The following CEBPZOS variants were observed in gnomAD, a reference collection of about 807,000 sequenced individuals.
CEBPZOS encodes protein CEBPZOS.
In CEBPZOS, 10 loss-of-function variants were observed where a neutral mutation model predicts 4.8. That is an observed-to-expected ratio of 2.07 (90% CI 1.28 to 3.52). The LOEUF is 3.52. Among genes scored for constraint, CEBPZOS ranks in the 30% most tolerant of loss-of-function variants. CEBPZOS has a pLI of 0.00. For missense variants in CEBPZOS, 98 were observed against 43.6 expected, an observed-to-expected ratio of 2.25 and a Z score of -3.51; for synonymous variants, 25 against 14.2, an observed-to-expected ratio of 1.77 and a Z score of -1.72.
In CEBPZOS at chr2:37,202,667, A is replaced by G. The variant is rs1352691630; in HGVS notation, c.*807A>G. 5 of 62,588 alleles carry G rather than the reference A, an allele frequency of 8.0e-5. No individual in the cohort carries two copies. Among genetic ancestry groups the G allele is most frequent in the African/African-American group, 1.4e-4 (2 of 14,616 alleles). The allele number at this position is 62,588 out of a possible 1,614,324, so 3.9% of individuals were successfully genotyped here. A position where few individuals can be genotyped will look rare whatever the true frequency, so the allele number is the denominator to read the frequency against. On this transcript the variant is annotated 3_prime_UTR_variant, in exon 5 of 5. Transcript: ENST00000402297. Reference sequence around the variant, plus strand: ...CTCAAAAAAAAAAAAAAAAAAAAAAAAAAAAAAAAAAAAAAAAAAAAAAAA... The same window carrying G: ...CTCAAAAAAAAAAAAAAAAAAAAAAGAAAAAAAAAAAAAAAAAAAAAAAAA...
chr2:37,214,314 CAGATG>C (rs2148352161), downstream of CEBPZOS, among the ~76,000 whole-genome samples: 1 of 152,090 alleles, frequency 6.6e-6, no homozygotes, highest in South Asian at 2.1e-4. Flanking sequence ...ACCAGTCAAC[CAGATG>C]AGATAAGAGG....
At chr2:37,205,203 C>T (rs1269432302), downstream of CEBPZOS, among the ~76,000 whole-genome samples, 2 of 152,044 alleles carry the variant, frequency 1.3e-5, no homozygotes, top group Non-Finnish European at 2.9e-5. Flanking sequence ...AGACTACTAC[C>T]AATATGTAAA....
Position 37,199,734 on chromosome 2 carries a change from G to A in CEBPZOS, c.30G>A (p.Lys10=), listed in dbSNP as rs1394302182. Residue 10 remains lysine, a synonymous_variant, in exon 2 of 5, where the codon AAG becomes AAA. Coordinates refer to ENST00000402297, the MANE Select transcript of CEBPZOS (RefSeq NM_001322374.2). MARTLEPLA[K]KIFKGVLVAE... is the part of the protein sequence containing the mutation. ...CCCGTACTTTGGAACCACTAGCAAA[G>A]AAGATCTTTAAAGGAGTTTTGGTAG... 4 of 717,190 alleles carry A rather than the reference G, an allele frequency of 5.6e-6. No individual in the cohort carries two copies. Among genetic ancestry groups the A allele is most frequent in the Non-Finnish European group, 1.0e-5 (4 of 384,996 alleles). The allele number at this position is 717,190 out of a possible 1,614,324, so 44.4% of individuals were successfully genotyped here.
At chr2:37,205,170 T>C (rs1470255537), downstream of CEBPZOS, among the ~76,000 whole-genome samples, 2 of 152,204 alleles carry the variant, frequency 1.3e-5, no homozygotes, top group African/African-American at 4.8e-5. Context: ...GCTGATAAAA[T>C]TTTGTAGGCG....
chr2:37,201,010 GTTCATATCT>G, intron 2 of CEBPZOS, 29 bp from the exon 3 acceptor site: 1 of 713,582 alleles, frequency 1.4e-6, no homozygotes, highest in East Asian at 2.7e-5. Flanking sequence ...ATGAATTTCT[GTTCATATCT>G]AATTTCAAGA....
At chr2:37,197,845 G>A (rs1447127691) in intron 1 of CEBPZOS, among the ~76,000 whole-genome samples, 1 of 151,866 alleles carries the variant, frequency 6.6e-6, no homozygotes, top group Non-Finnish European at 1.5e-5. Flanking sequence ...CTGCCTGGGA[G>A]ACAGCAAGAC....
At chr2:37,211,920 T>C (rs1358802000) in intron 4 of CEBPZOS, 1 of 1,613,520 alleles carries the variant, frequency 6.2e-7, no homozygotes, top group Non-Finnish European at 8.5e-7. Context: ...AAATTCTTCA[T>C]CATCCATACT....
In CEBPZOS at chr2:37,203,660, A is replaced by G. The variant is rs1677396037; in HGVS notation, c.*1800A>G. The G allele has an allele frequency of 1.3e-5, 2 of 152,250 alleles. No individual in the cohort carries two copies. The highest frequency in any genetic ancestry group is 1.3e-4 in the Admixed American group (2 of 15,288). 9.4% of individuals were successfully genotyped at this position (152,250 alleles called of 1,614,324 possible). A position where few individuals can be genotyped will look rare whatever the true frequency, so the allele number is the denominator to read the frequency against. On this transcript the variant is annotated 3_prime_UTR_variant, in exon 5 of 5. Transcript: ENST00000402297. ...GGTAAATTTACAGACTTGTTCAACC[A>G]CAACCACAGTCTGATTTTAGAACAT...
rs569855349 is a variant in CEBPZOS at position 37,199,774 on chromosome 2, G to C, written c.70G>C (p.Val24Leu). 1 of 717,602 alleles carries C rather than the reference G, an allele frequency of 1.4e-6. No individual in the cohort carries two copies. The highest frequency in any genetic ancestry group is 2.6e-6 in the Non-Finnish European group (1 of 385,094). 44.5% of individuals were successfully genotyped at this position (717,602 alleles called of 1,614,324 possible). A position where few individuals can be genotyped will look rare whatever the true frequency, so the allele number is the denominator to read the frequency against. Residue 24 changes from valine (V) to leucine (L), a missense_variant, in exon 2 of 5, where the codon GTT (valine) becomes CTT (leucine). Coordinates refer to ENST00000402297, the MANE Select transcript of CEBPZOS (RefSeq NM_001322374.2). ...AGTTTTGGTAGCCGAACTTGTAGGC[G>C]TTTTTGGAGCATATTTTTTGTTTAG... ...KGVLVAELVG[V>L]FGAYFLFSKM...
At chr2:37,212,212 C>G (rs1487680971) in intron 4 of CEBPZOS, 2 of 1,016,462 alleles carry the variant, frequency 2.0e-6, no homozygotes, top group Admixed American at 4.3e-5. Context: ...GTACTGTATC[C>G]ACTTCCCAAA....
At chr2:37,201,519 T>A in intron 3 of CEBPZOS, 123 bp from the exon 4 acceptor site, 1 of 607,410 alleles carries the variant, frequency 1.6e-6, no homozygotes, top group Non-Finnish European at 3.0e-6. Context: ...TCTGTAATCC[T>A]ACTGTCCTCT....
At chr2:37,215,959 A>G (rs1490681134), downstream of CEBPZOS, among the ~76,000 whole-genome samples, 3 of 152,006 alleles carry the variant, frequency 2.0e-5, no homozygotes, top group South Asian at 2.1e-4. Flanking sequence ...GTTAAAAAAA[A>G]AAAAAAAAAG....
In CEBPZOS at chr2:37,203,114, A is replaced by G. The variant is rs935229163; in HGVS notation, c.*1254A>G. 2 of 693,640 alleles carry G rather than the reference A, an allele frequency of 2.9e-6. No individual in the cohort carries two copies. The highest frequency in any genetic ancestry group is 2.3e-6 in the Non-Finnish European group (1 of 438,346). 43.0% of individuals were successfully genotyped at this position (693,640 alleles called of 1,614,324 possible). ...TAAAAATTATACTTGGGTAAAAACAATTGCAATAATCTTCTGGCACCATTG... is the reference window on the plus strand; with the variant it reads ...TAAAAATTATACTTGGGTAAAAACAGTTGCAATAATCTTCTGGCACCATTG... On this transcript the variant is annotated 3_prime_UTR_variant, in exon 5 of 5. Transcript: ENST00000402297.
At chr2:37,206,254 C>A (rs955292665), downstream of CEBPZOS, among the ~76,000 whole-genome samples, 4 of 152,224 alleles carry the variant, frequency 2.6e-5, no homozygotes, top group African/African-American at 9.7e-5. Flanking sequence ...AAAAGGTATC[C>A]AACAAAACTA....
chr2:37,214,038 C>A, downstream of CEBPZOS: 1 of 702,322 alleles, frequency 1.4e-6, no homozygotes, highest in Non-Finnish European at 2.2e-6. Context: ...GCACCTATGA[C>A]CAGTGGCAAA....
At chr2:37,208,251 T>G (rs760625428), downstream of CEBPZOS, among the ~76,000 whole-genome samples, 1 of 152,180 alleles carries the variant, frequency 6.6e-6, no homozygotes, top group Non-Finnish European at 1.5e-5. Context: ...CTACTGAAAC[T>G]ATTCCAAAAG....
rs1261205786 is a variant in CEBPZOS at position 37,211,808 on chromosome 2, GAC to G, written c.*3-1625_*3-1624del. On this transcript the variant is annotated intron_variant, in intron 4 of 4. Coordinates refer to the CEBPZOS transcript ENST00000397064. ...AACTTAAGGCTAAGGAAGTGAGGAA[GAC>G]ACAGTTTATGTCTTATTTTAAAAAA... The G allele has an allele frequency of 2.0e-6, 3 of 1,471,376 alleles. No individual in the cohort carries two copies. The Admixed American group carries it at 6.7e-5, about 33-fold the overall frequency. 91.1% of individuals were successfully genotyped at this position (1,471,376 alleles called of 1,614,324 possible).
chr2:37,204,303 G>C lies in CEBPZOS; in HGVS notation c.*2443G>C, dbSNP rs1422700047. The C allele has an allele frequency of 1.6e-5, 2 of 127,632 alleles. No homozygotes were observed. The allele number at this position is 127,632 out of a possible 1,614,324, so 7.9% of individuals were successfully genotyped here. A position where few individuals can be genotyped will look rare whatever the true frequency, so the allele number is the denominator to read the frequency against. The stretch of plus-strand genomic sequence containing the variant: ...TTTTTTTTTTTTTTTTTTTGAGACA[G>C]AGTCTCGCTTTGTCGCCAGGCTGGA... On this transcript the variant is annotated 3_prime_UTR_variant, in exon 5 of 5. Coordinates refer to ENST00000402297, the MANE Select transcript of CEBPZOS (RefSeq NM_001322374.2).
intron 4 of CEBPZOS, chr2:37,212,733 G>A (rs1677762677): frequency 3.9e-6 from 1 of 253,780 alleles, no homozygotes; most frequent in Non-Finnish European, 7.6e-6. Context: ...TTTAATAGGT[G>A]TGATACAATA....
Sources: gnomAD v4.1 joint callset for allele counts (sites outside exome capture counted in the v4.1 genomes callset) on GRCh38, gnomAD v4.1.1 for gene constraint, MANE v1.5 for transcripts, NCBI Gene and HGNC (gene_info 2026-07-23, HGNC 2026-07-21) for gene names.